RBFOX1: variants seen among roughly 807,000 people sequenced by gnomAD.
The protein encoded by RBFOX1 is RNA binding fox-1 homolog 1, also known as RNA binding protein fox-1 homolog 1.
In RBFOX1, 8 loss-of-function variants were observed where a neutral mutation model predicts 57.7. The observed-to-expected ratio is 0.14, with a 90% confidence interval of 0.08 to 0.25. The LOEUF (loss-of-function observed/expected upper bound fraction) is 0.25, where lower values mean the gene tolerates loss of function less well. RBFOX1 is among the 10% of genes least tolerant of loss of function. The pLI, the probability that RBFOX1 is intolerant of heterozygous loss-of-function variation, is 1.00. For synonymous variants in RBFOX1, 326 were observed against 222.4 expected (o/e 1.47, Z -4.15); for missense variants, 611 against 548.5 (o/e 1.11, Z -1.14).
At chr16:6,930,729 TG>T (rs2076366779) in intron 3 of RBFOX1, among the ~76,000 whole-genome samples, 1 of 152,128 alleles carries the variant, frequency 6.6e-6, no homozygotes, top group Admixed American at 6.6e-5. Context: ...GTTTTTAAAA[TG>T]GGTTTAACAT....
At chr16:6,210,361 C>CAAAAAAATAAAAAAAAAAAAAA (rs2097287225) in intron 1 of RBFOX1, among the ~76,000 whole-genome samples, 1 of 61,454 alleles carries the variant, frequency 1.6e-5, no homozygotes, top group Non-Finnish European at 3.5e-5. Flanking sequence ...AAAAAAACAC[C>CAAAAAAATAAAAAAAAAAAAAA]AAAAAAAAAA....
At chr16:6,775,109 A>C (rs1024139445) in intron 3 of RBFOX1, among the ~76,000 whole-genome samples, 2 of 150,820 alleles carry the variant, frequency 1.3e-5, no homozygotes, top group Non-Finnish European at 2.9e-5. Flanking sequence ...GCGGATCACG[A>C]GGTCAGGAGA....
chr16:7,337,159 A>G (rs947562801), intron 4 of RBFOX1, among the ~76,000 whole-genome samples: 1 of 152,154 alleles, frequency 6.6e-6, no homozygotes, highest in Non-Finnish European at 1.5e-5. Flanking sequence ...AGGTAGCCCA[A>G]GGTCACAAAG....
intron 3 of RBFOX1, among the ~76,000 whole-genome samples, chr16:5,718,071 C>A (rs998355167): frequency 1.3e-5 from 2 of 152,164 alleles, no homozygotes; most frequent in African/African-American, 4.8e-5. Context: ...TTGCTCTGGA[C>A]AATAGGGTGT....
intron 2 of RBFOX1, among the ~76,000 whole-genome samples, chr16:6,512,224 C>T (rs1345481907): frequency 3.6e-5 from 5 of 137,422 alleles, no homozygotes; most frequent in Admixed American, 3.4e-4. Flanking sequence ...GTTGAGGCTG[C>T]AGTGAACCAT....
chr16:5,276,996 T>C lies in RBFOX1; in HGVS notation c.219+36891T>C, dbSNP rs145539735. 6.5e-3 allele frequency among the ~76,000 whole-genome samples: 992 copies of C among 152,322 alleles called. 10 individuals carry two copies. Among genetic ancestry groups the C allele is most frequent in the African/African-American group, 0.023 (950 of 41,562 alleles). Reference sequence around the variant, plus strand: ...TATGAAAAAGACACTTTTGCACACATGTTTACATCAGCAAAATTCACATTT... The same window carrying C: ...TATGAAAAAGACACTTTTGCACACACGTTTACATCAGCAAAATTCACATTT... On this transcript the variant is annotated intron_variant, in intron 1 of 2. Coordinates refer to the RBFOX1 transcript ENST00000585867.
At chr16:6,946,414 C>T (rs1294480150) in intron 3 of RBFOX1, among the ~76,000 whole-genome samples, 5 of 152,156 alleles carry the variant, frequency 3.3e-5, no homozygotes, top group African/African-American at 1.2e-4. Flanking sequence ...ACGCTTATTG[C>T]CTGAGTTCTG....
intron 3 of RBFOX1, among the ~76,000 whole-genome samples, chr16:6,794,976 C>A (rs536990858): frequency 6.6e-6 from 1 of 152,112 alleles, no homozygotes; most frequent in Admixed American, 6.5e-5. Flanking sequence ...AGTTTTTAAA[C>A]AGAGTGAGGG....
intron 4 of RBFOX1, among the ~76,000 whole-genome samples, chr16:7,148,902 G>C (rs928310664): frequency 6.6e-6 from 1 of 152,142 alleles, no homozygotes; most frequent in African/African-American, 2.4e-5. Flanking sequence ...ATAGTCATCT[G>C]ACTTTGCATG....
intron 3 of RBFOX1, among the ~76,000 whole-genome samples, chr16:5,674,915 G>A (rs747103889): frequency 1.3e-5 from 2 of 152,122 alleles, no homozygotes; most frequent in African/African-American, 2.4e-5. Context: ...GGAAGGCTGA[G>A]GCAGGAGGAT....
At chr16:6,840,525 G>A (rs929875110) in intron 3 of RBFOX1, among the ~76,000 whole-genome samples, 2 of 152,074 alleles carry the variant, frequency 1.3e-5, no homozygotes, top group African/African-American at 4.8e-5. Context: ...GATAGTATTA[G>A]AAAATGGGAT....
intron 4 of RBFOX1, among the ~76,000 whole-genome samples, chr16:7,355,062 GTCTTAGTTAATCC>G (rs1339766100): frequency 1.3e-5 from 2 of 152,124 alleles, no homozygotes; most frequent in African/African-American, 4.8e-5. Context: ...AACGCATGAG[GTCTTAGTTAATCC>G]TCCCAAAACT....
At chr16:7,005,867 C>T (rs946042342) in intron 3 of RBFOX1, among the ~76,000 whole-genome samples, 1 of 152,292 alleles carries the variant, frequency 6.6e-6, no homozygotes, top group East Asian at 1.9e-4. Flanking sequence ...CTAAATTCTT[C>T]CCTTCTTCTG....
At chr16:7,446,849 G>T (rs1213494593) in intron 4 of RBFOX1, among the ~76,000 whole-genome samples, 3 of 106,400 alleles carry the variant, frequency 2.8e-5, no homozygotes, top group African/African-American at 1.1e-4. Context: ...GTCTCACTCT[G>T]TCACCCAGGC....
chr16:7,056,418 T>C (rs995843115), intron 4 of RBFOX1, among the ~76,000 whole-genome samples: 2 of 152,178 alleles, frequency 1.3e-5, no homozygotes, highest in Non-Finnish European at 2.9e-5. Flanking sequence ...CACTATGGAA[T>C]CTGTGCATTA....
Position 5,693,113 on chromosome 16 carries a change from G to A in RBFOX1, c.318+94152G>A, listed in dbSNP as rs376270883. ...ATGGAAGAGAGCTGAGTGGACAGAC[G>A]TGGGTGTGAGCATCCTGGTGTGAAC... is the stretch of plus-strand genomic sequence containing the variant. On this transcript the variant is annotated intron_variant, in intron 3 of 19. Coordinates refer to the RBFOX1 transcript ENST00000641259. 4.4e-4 allele frequency among the ~76,000 whole-genome samples: 67 copies of A among 152,238 alleles called. 1 individual carries two copies. The East Asian group carries it at 6.0e-3, about 14-fold the overall frequency.
At chr16:7,048,292 C>G (rs970119217) in intron 3 of RBFOX1, among the ~76,000 whole-genome samples, 3 of 151,668 alleles carry the variant, frequency 2.0e-5, no homozygotes, top group African/African-American at 7.3e-5. Flanking sequence ...TGGAGTCTTG[C>G]TCTGTCTCCC....
intron 2 of RBFOX1, among the ~76,000 whole-genome samples, chr16:6,497,554 A>C (rs1325450464): frequency 7.7e-6 from 1 of 129,362 alleles, no homozygotes; most frequent in Non-Finnish European, 1.8e-5. Context: ...CCGATTTTTG[A>C]AGTTTTTAAA....
At chr16:6,404,425 G>A (rs1438131488) in intron 2 of RBFOX1, among the ~76,000 whole-genome samples, 2 of 152,068 alleles carry the variant, frequency 1.3e-5, no homozygotes, top group African/African-American at 4.8e-5. Context: ...GGTAGTCCAG[G>A]TACTCAAGGA....
Sources: allele counts gnomAD v4.1 joint callset (sites outside exome capture counted in the v4.1 genomes callset), GRCh38; gene constraint gnomAD v4.1.1; transcripts MANE v1.5; gene names NCBI Gene and HGNC (gene_info 2026-07-23, HGNC 2026-07-21).